The following CDH8 variants were observed in gnomAD, a reference collection of about 807,000 sequenced individuals.
The protein encoded by CDH8 is cadherin 8.
Under a neutral mutation model 68.1 loss-of-function variants are expected in CDH8, and 17 were observed. The observed-to-expected ratio is 0.25, with a 90% CI of 0.17 to 0.37. The LOEUF is 0.37. Among genes scored for constraint, CDH8 ranks in the 10% least tolerant of loss-of-function variants. The pLI is 1.00. For missense variants in CDH8, 763 were observed against 999.3 expected (o/e 0.76, Z 3.19); for synonymous variants, 372 against 365.1 (o/e 1.02, Z -0.21).
intron 2 of CDH8, among the ~76,000 whole-genome samples, chr16:61,994,665 G>A (rs1486122539): frequency 3.3e-5 from 5 of 152,144 alleles, no homozygotes; most frequent in Non-Finnish European, 7.3e-5. Flanking sequence ...TCAGCATTGC[G>A]TGGGGACCTG....
At chr16:61,771,510 T>G (rs1960779171) in intron 8 of CDH8, among the ~76,000 whole-genome samples, 1 of 151,210 alleles carries the variant, frequency 6.6e-6, no homozygotes, top group African/African-American at 2.4e-5. Context: ...TTTAACCAAT[T>G]TTTCTTTACA....
intron 4 of CDH8, among the ~76,000 whole-genome samples, chr16:61,855,701 G>T (rs1159949746): frequency 1.3e-5 from 2 of 152,130 alleles, no homozygotes; most frequent in African/African-American, 4.8e-5. Flanking sequence ...AAGACCCTGT[G>T]CCATAGTTAT....
chr16:61,745,926 T>C (rs951342927), intron 8 of CDH8, among the ~76,000 whole-genome samples: 1 of 152,098 alleles, frequency 6.6e-6, no homozygotes, highest in Non-Finnish European at 1.5e-5. Flanking sequence ...AAAGGTGTTA[T>C]CTCCCTTTAG....
At chr16:61,772,454 T>C (rs916511672) in intron 8 of CDH8, among the ~76,000 whole-genome samples, 1 of 152,036 alleles carries the variant, frequency 6.6e-6, no homozygotes, top group African/African-American at 2.4e-5. Context: ...TTTTATTAGA[T>C]GAAATAACTG....
intron 6 of CDH8, among the ~76,000 whole-genome samples, chr16:61,818,386 A>C (rs1359214719): frequency 1.3e-5 from 2 of 152,182 alleles, no homozygotes; most frequent in Non-Finnish European, 2.9e-5. Context: ...CATGTAAAGA[A>C]ATATGTGCAC....
At chr16:61,850,122 T>C (rs936395402) in intron 4 of CDH8, among the ~76,000 whole-genome samples, 39 of 152,192 alleles carry the variant, frequency 2.6e-4, no homozygotes, top group Admixed American at 2.4e-3. Flanking sequence ...ATTTGGCTCA[T>C]GGTTCTGCAA....
intron 2 of CDH8, among the ~76,000 whole-genome samples, chr16:61,978,848 TG>T (rs1965485290): frequency 6.6e-6 from 1 of 152,172 alleles, no homozygotes; most frequent in Non-Finnish European, 1.5e-5. Flanking sequence ...TGTATGGAGC[TG>T]TAACACACAT....
chr16:61,953,062 G>C (rs1964922453), intron 2 of CDH8, among the ~76,000 whole-genome samples: 1 of 152,140 alleles, frequency 6.6e-6, no homozygotes, highest in South Asian at 2.1e-4. Flanking sequence ...AATGGGATTA[G>C]TGCACTAATA....
At chr16:61,843,794 T>C (rs1962739167) in intron 4 of CDH8, among the ~76,000 whole-genome samples, 1 of 152,202 alleles carries the variant, frequency 6.6e-6, no homozygotes, top group Non-Finnish European at 1.5e-5. Context: ...TCTAGATCCC[T>C]GAGGAATCGC....
At chr16:61,889,343 T>C (rs1178998861) in intron 3 of CDH8, among the ~76,000 whole-genome samples, 1 of 152,172 alleles carries the variant, frequency 6.6e-6, no homozygotes, top group East Asian at 1.9e-4. Flanking sequence ...AATGGCAAAC[T>C]TCAAAGTCCA....
At chr16:61,916,080 A>G (rs1439257397) in intron 2 of CDH8, among the ~76,000 whole-genome samples, 1 of 152,230 alleles carries the variant, frequency 6.6e-6, no homozygotes, top group African/African-American at 2.4e-5. Flanking sequence ...AGTACATAAC[A>G]GATGCTCACT....
At chr16:61,682,753 C>T (rs1046186833) in intron 10 of CDH8, among the ~76,000 whole-genome samples, 17 of 151,926 alleles carry the variant, frequency 1.1e-4, no homozygotes, top group Non-Finnish European at 4.4e-5. Flanking sequence ...TTGCAATTAT[C>T]TTGCTTGATT....
At chr16:61,929,892 T>C (rs1597072853) in intron 2 of CDH8, among the ~76,000 whole-genome samples, 1 of 152,134 alleles carries the variant, frequency 6.6e-6, no homozygotes, top group African/African-American at 2.4e-5. Flanking sequence ...CCTAGTCTCT[T>C]AAACAAAACA....
intron 8 of CDH8, among the ~76,000 whole-genome samples, chr16:61,731,906 A>G (rs1460166654): frequency 6.6e-6 from 1 of 151,784 alleles, no homozygotes. Context: ...CAAGTAGAGA[A>G]TATCAATAAA....
intron 8 of CDH8, among the ~76,000 whole-genome samples, chr16:61,771,220 T>A (rs1960768713): frequency 6.6e-6 from 1 of 151,982 alleles, no homozygotes; most frequent in Middle Eastern, 3.2e-3. Context: ...TCCTGTCTTA[T>A]CTTCTTTTTA....
At chr16:61,917,355 T>A (rs1567527124) in intron 2 of CDH8, among the ~76,000 whole-genome samples, 1 of 152,140 alleles carries the variant, frequency 6.6e-6, no homozygotes. Context: ...GAATGCAACA[T>A]CCTGAGATAT....
intron 2 of CDH8, among the ~76,000 whole-genome samples, chr16:61,994,791 T>C (rs917216512): frequency 1.3e-5 from 2 of 152,204 alleles, no homozygotes; most frequent in South Asian, 4.1e-4. Flanking sequence ...TACTGCGCTT[T>C]CAGAACCACT....
At chr16:62,034,381 TA>T (rs1410989508) in intron 1 of CDH8, among the ~76,000 whole-genome samples, 5 of 152,168 alleles carry the variant, frequency 3.3e-5, no homozygotes, top group Admixed American at 3.3e-4. Context: ...GAATCTTACA[TA>T]AACATCTTTC....
intron 8 of CDH8, among the ~76,000 whole-genome samples, chr16:61,736,147 G>A (rs991949166): frequency 2.0e-5 from 3 of 147,930 alleles, no homozygotes; most frequent in African/African-American, 5.2e-5. Flanking sequence ...AAGGAAGGAA[G>A]GAAGGAAGGA....
Sources: allele counts gnomAD v4.1 joint callset (sites outside exome capture counted in the v4.1 genomes callset), GRCh38; gene constraint gnomAD v4.1.1; transcripts MANE v1.5; gene names NCBI Gene and HGNC (gene_info 2026-07-23, HGNC 2026-07-21).